Variants in AP3B1 observed in about 807,000 individuals in gnomAD.
AP3B1 encodes the protein AP-3 complex subunit beta-1.
Under a neutral mutation model 132.5 loss-of-function variants are expected in AP3B1, and 61 were observed. That is an observed-to-expected ratio of 0.46 (90% CI 0.37 to 0.57). AP3B1 has a LOEUF of 0.57. Ranked by LOEUF, AP3B1 falls within the 20% of genes least tolerant of loss-of-function variation. AP3B1 has a pLI of 0.00. For missense variants in AP3B1, 1,120 were observed against 1,289.4 expected (o/e 0.87, Z 2.01); for synonymous variants, 388 against 438.3 (o/e 0.89, Z 1.43).
chr5:78,017,921 A>T (rs1012396824), intron 25 of AP3B1, among the ~76,000 whole-genome samples: 1 of 152,022 alleles, frequency 6.6e-6, no homozygotes, highest in Non-Finnish European at 1.5e-5. Context: ...AACTACTAAA[A>T]GGCAAACCAA....
intron 2 of AP3B1, among the ~76,000 whole-genome samples, chr5:78,242,268 C>G (rs1471721932): frequency 6.6e-6 from 1 of 152,206 alleles, no homozygotes; most frequent in East Asian, 1.9e-4. Flanking sequence ...GGCTGCCCCA[C>G]TATGCCTCTG....
intron 7 of AP3B1, among the ~76,000 whole-genome samples, chr5:78,197,746 C>T (rs895266539): frequency 9.7e-4 from 147 of 152,246 alleles, no homozygotes; most frequent in Non-Finnish European, 5.6e-4. Flanking sequence ...ACAGTTAAAA[C>T]TGCCTACAGC....
intron 14 of AP3B1, among the ~76,000 whole-genome samples, chr5:78,145,123 T>C (rs1753331548): frequency 6.6e-6 from 1 of 152,246 alleles, no homozygotes; most frequent in Admixed American, 6.5e-5. Context: ...CATAAATCTA[T>C]TTGATTTGAC....
At chr5:78,128,246 G>T in intron 16 of AP3B1, 86 bp from the exon 17 acceptor site, 1 of 1,209,944 alleles carries the variant, frequency 8.3e-7, no homozygotes, top group Non-Finnish European at 1.2e-6. Context: ...AAGGTAATTG[G>T]CATATTACCT....
At chr5:78,261,444 T>A (rs1409824346) in intron 2 of AP3B1, among the ~76,000 whole-genome samples, 3 of 152,296 alleles carry the variant, frequency 2.0e-5, no homozygotes, top group Non-Finnish European at 2.9e-5. Context: ...CATTTTTTCA[T>A]TTGGTCGGTT....
rs34733864 is a variant in AP3B1, at chr5:78,191,354, C to CAAAAAAAAA, written c.787-9701_787-9693dup. 1.8e-3 allele frequency among the ~76,000 whole-genome samples: 131 copies of CAAAAAAAAA among 72,842 alleles called. 1 individual carries two copies. The highest frequency in any genetic ancestry group is 6.8e-3 in the African/African-American group (125 of 18,384). 47.8% of individuals were successfully genotyped at this position (72,842 alleles called of 152,430 possible). ...ATTGGCTTTTGGAATTGCTTTTCCC[C>CAAAAAAAAA]AAAAAAAAAAAAAAAAAAAAAAAGG... On this transcript the variant is annotated intron_variant, in intron 7 of 26. Transcript: ENST00000255194.
chr5:78,128,969 A>G (rs1191504037), intron 16 of AP3B1, 152 bp downstream of exon 16: 5 of 656,328 alleles, frequency 7.6e-6, no homozygotes, highest in Non-Finnish European at 2.4e-6. Context: ...TTGAGAGCAG[A>G]TGAATGAGTA....
chr5:78,112,996 G>A lies in AP3B1; in HGVS notation c.2249+756C>T, dbSNP rs778592668. On this transcript the variant is annotated intron_variant, in intron 19 of 26. Transcript: ENST00000255194. ...AGTCATAATTAGGGCATTATGCTGT[G>A]TTTGTTATGGAAGTGGCAGGGAGAG... 3.9e-5 allele frequency among the ~76,000 whole-genome samples: 6 copies of A among 152,226 alleles called. No individual in the cohort carries two copies. In the South Asian group the frequency reaches 6.2e-4, roughly 16 times the overall value.
intron 25 of AP3B1, 22 bp downstream of exon 25, chr5:78,020,670 G>A: frequency 1.3e-6 from 2 of 1,557,588 alleles, no homozygotes; most frequent in East Asian, 4.5e-5. Context: ...TAAATTTCTA[G>A]TAAGTTGTAG....
At chr5:78,294,237 C>G (rs1422199032) in intron 1 of AP3B1, among the ~76,000 whole-genome samples, 7 of 152,152 alleles carry the variant, frequency 4.6e-5, no homozygotes. Context: ...AGTTTGAAAA[C>G]TACTAGAGAC....
In AP3B1 at chr5:78,156,511, C is replaced by A. The variant is rs754476143; in HGVS notation, c.1364-144G>T. 1.1e-5 allele frequency: 7 copies of A among 662,712 alleles called. No individual in the cohort carries two copies. The East Asian group carries it at 1.9e-4, about 18-fold the overall frequency. The allele number at this position is 662,712 out of a possible 1,614,324, so 41.1% of individuals were successfully genotyped here. A position where few individuals can be genotyped will look rare whatever the true frequency, so the allele number is the denominator to read the frequency against. On this transcript the variant is annotated intron_variant, in intron 13 of 26. Transcript: ENST00000255194. ...CTATGTGAAAGCATAACCATGAGTG[C>A]GCTTCCAAATTTGAGGTGTGAACAA... is the stretch of plus-strand genomic sequence containing the variant.
At chr5:78,121,286 A>G in intron 17 of AP3B1, among the ~76,000 whole-genome samples, 1 of 152,176 alleles carries the variant, frequency 6.6e-6, no homozygotes, top group Non-Finnish European at 1.5e-5. Flanking sequence ...TAAAAGAACT[A>G]GAAAAGCAAG....
chr5:78,097,256 C>T (rs549339322), intron 21 of AP3B1, among the ~76,000 whole-genome samples: 1,943 of 100,258 alleles, frequency 0.019, 111 homozygotes, highest in African/African-American at 0.073. Context: ...GCCCCCCGCC[C>T]GGCCAGCCAC....
At chr5:78,234,777 C>T (rs890205250) in intron 3 of AP3B1, among the ~76,000 whole-genome samples, 5 of 152,122 alleles carry the variant, frequency 3.3e-5, no homozygotes, top group Middle Eastern at 3.2e-3. Flanking sequence ...ACATTCCAGA[C>T]CAACTGTAGA....
At chr5:78,253,560 C>A (rs74476049) in intron 2 of AP3B1, among the ~76,000 whole-genome samples, 2 of 152,278 alleles carry the variant, frequency 1.3e-5, no homozygotes. Flanking sequence ...CTAAATAAGG[C>A]ACCAAGCACC....
intron 22 of AP3B1, among the ~76,000 whole-genome samples, chr5:78,063,459 A>G (rs1382125434): frequency 6.6e-6 from 1 of 152,206 alleles, no homozygotes; most frequent in African/African-American, 2.4e-5. Flanking sequence ...ACAAAATGTA[A>G]ACTCCTTTTA....
intron 7 of AP3B1, among the ~76,000 whole-genome samples, chr5:78,188,398 C>T (rs914596500): frequency 6.6e-5 from 10 of 152,028 alleles, no homozygotes; most frequent in Non-Finnish European, 1.2e-4. Context: ...AAACTAACAA[C>T]CCCATTAAAA....
chr5:78,052,337 C>T lies in AP3B1; in HGVS notation c.2578-13063G>A, dbSNP rs935639768. On this transcript the variant is annotated intron_variant, in intron 22 of 26. Coordinates refer to ENST00000255194, the MANE Select transcript of AP3B1 (RefSeq NM_003664.5). ...TTTAATGAGCATCTTATTTCATGCT[C>T]GGTATTAAGCAGGCACCAGCAAACC... Among the ~76,000 whole-genome samples the T allele has an allele frequency of 5.9e-5, 9 of 152,164 alleles. No homozygotes were observed. In the South Asian group the frequency reaches 1.2e-3, roughly 21 times the overall value.
intron 3 of AP3B1, among the ~76,000 whole-genome samples, chr5:78,239,918 T>G (rs1747052183): frequency 6.6e-6 from 1 of 152,228 alleles, no homozygotes; most frequent in African/African-American, 2.4e-5. Flanking sequence ...CTGGTTGGTT[T>G]TGCTGGCAAG....
Sources: gnomAD v4.1 joint callset for allele counts (sites outside exome capture counted in the v4.1 genomes callset) on GRCh38, gnomAD v4.1.1 for gene constraint, MANE v1.5 for transcripts, NCBI Gene and HGNC (gene_info 2026-07-23, HGNC 2026-07-21) for gene names.